The following RFTN1 variants were observed in gnomAD, a reference collection of about 807,000 sequenced individuals.
RFTN1 encodes the protein raftlin.
Under a neutral mutation model 46.5 loss-of-function variants are expected in RFTN1, and 26 were observed. That is an observed-to-expected ratio of 0.56 (90% CI 0.41 to 0.78). The LOEUF is 0.78. Among genes scored for constraint, RFTN1 ranks in the 30% least tolerant of loss-of-function variants. The probability of loss-of-function intolerance (pLI) is 0.00; values close to 1 mark genes in which losing one functional copy is unlikely to be tolerated. For synonymous variants in RFTN1, 261 were observed against 284.2 expected, an observed-to-expected ratio of 0.92 and a Z score of 0.82; for missense variants, 693 against 718.7, an observed-to-expected ratio of 0.96 and a Z score of 0.41.
chr3:16,372,980 T>C (rs1233807639), intron 5 of RFTN1, among the ~76,000 whole-genome samples: 5 of 152,240 alleles, frequency 3.3e-5, no homozygotes, highest in African/African-American at 9.6e-5. Flanking sequence ...GTCCTTTCTC[T>C]ACCCACATGG....
chr3:16,476,577 A>T (rs2076284133), intron 2 of RFTN1, among the ~76,000 whole-genome samples: 1 of 152,186 alleles, frequency 6.6e-6, no homozygotes, highest in Admixed American at 6.5e-5. Flanking sequence ...GCTAGCATTT[A>T]GGCAGAGACT....
At chr3:16,493,343 T>C (rs1413453617) in intron 2 of RFTN1, among the ~76,000 whole-genome samples, 2 of 152,002 alleles carry the variant, frequency 1.3e-5, no homozygotes, top group East Asian at 3.9e-4. Flanking sequence ...GCAATTCTCC[T>C]GCCTCAGCCT....
chr3:16,385,778 C>T lies in RFTN1; in HGVS notation c.442-7676G>A, dbSNP rs2074151334. Among the ~76,000 whole-genome samples, 1 of 152,124 alleles carries T rather than the reference C, an allele frequency of 6.6e-6. No homozygotes were observed. Among genetic ancestry groups the T allele is most frequent in the Admixed American group, 6.5e-5 (1 of 15,274 alleles). On this transcript the variant is annotated intron_variant, in intron 4 of 9. Transcript: ENST00000334133. The surrounding 1 kb of genome is among the most constrained non-coding windows in gnomAD (Gnocchi z 5.0). The stretch of plus-strand genomic sequence containing the variant: ...CACCTCTGGCAGATTTTCCTTGGCC[C>T]AGAACATCCCAATCTTCCTCAGTGT...
Position 16,480,624 on chromosome 3 carries a change from G to A in RFTN1, c.145+13101C>T, listed in dbSNP as rs1375322223. Reference sequence around the variant, plus strand: ...ACCTTTTCACACCAGATTTGCTTTTGAAAATATTTCGTAGATAAAATTCAA... The same window carrying A: ...ACCTTTTCACACCAGATTTGCTTTTAAAAATATTTCGTAGATAAAATTCAA... On this transcript the variant is annotated intron_variant, in intron 2 of 9. Transcript: ENST00000334133. The surrounding 1 kb of genome is among the most constrained non-coding windows in gnomAD (Gnocchi z 4.3). 6.6e-6 allele frequency among the ~76,000 whole-genome samples: 1 copy of A among 152,138 alleles called. No individual in the cohort carries two copies. The highest frequency in any genetic ancestry group is 2.4e-5 in the African/African-American group (1 of 41,438).
Position 16,443,347 on chromosome 3 carries a change from A to G in RFTN1, c.146-9310T>C, listed in dbSNP as rs908218705. Among the ~76,000 whole-genome samples the G allele has an allele frequency of 6.6e-6, 1 of 152,074 alleles. No homozygotes were observed. Among genetic ancestry groups the G allele is most frequent in the Admixed American group, 6.6e-5 (1 of 15,262 alleles). On this transcript the variant is annotated intron_variant, in intron 2 of 9. Coordinates refer to ENST00000334133, the MANE Select transcript of RFTN1 (RefSeq NM_015150.2). The surrounding 1 kb of genome is among the most constrained non-coding windows in gnomAD (Gnocchi z 5.5). ...TAGTGATGTTAATAAGCATTCTTTC[A>G]TATATGTGTGGGCCACTTTTATATC...
At position 16,425,424 on chromosome 3, in the gene RFTN1, G is replaced by T. The variant is rs866429223; in HGVS notation, c.332+8427C>A. Among the ~76,000 whole-genome samples the T allele has an allele frequency of 1.3e-5, 2 of 152,172 alleles. No individual in the cohort carries two copies. The highest frequency in any genetic ancestry group is 2.9e-5 in the Non-Finnish European group (2 of 68,040). Reference sequence around the variant, plus strand: ...TCTGTCATTTCAAAATAGTTCTGGGGAGAGGGTGGAAATCACTAGTGTGCT... The same window carrying T: ...TCTGTCATTTCAAAATAGTTCTGGGTAGAGGGTGGAAATCACTAGTGTGCT... On this transcript the variant is annotated intron_variant, in intron 3 of 9. Coordinates refer to ENST00000334133, the MANE Select transcript of RFTN1 (RefSeq NM_015150.2). This position sits in a 1 kb window ranked among gnomAD's most constrained non-coding sequence, Gnocchi z 4.3.
intron 2 of RFTN1, chr3:16,482,819 C>G (rs2076389146): frequency 6.5e-7 from 1 of 1,535,950 alleles, no homozygotes; most frequent in Non-Finnish European, 8.7e-7. Flanking sequence ...AGGGAGGGCG[C>G]AGGGGCAGAA....
intron 3 of RFTN1, among the ~76,000 whole-genome samples, chr3:16,419,891 T>C (rs1162656225): frequency 1.3e-5 from 2 of 152,146 alleles, no homozygotes; most frequent in Non-Finnish European, 2.9e-5. Flanking sequence ...TGAAAAAAGT[T>C]TGGTATCTCT....
rs1217344423 is a variant in RFTN1, at chr3:16,352,864, CAGAG to C, written c.1146+5064_1146+5067del. 1.3e-5 allele frequency among the ~76,000 whole-genome samples: 2 copies of C among 152,228 alleles called. No individual in the cohort carries two copies. The highest frequency in any genetic ancestry group is 4.8e-5 in the African/African-American group (2 of 41,460). The stretch of plus-strand genomic sequence containing the variant: ...CATAGTCTGTCACTCAGCTTGGAAT[CAGAG>C]AGGCAGGATGCACACTCAGGCCAGA... On this transcript the variant is annotated intron_variant, in intron 7 of 9. Coordinates refer to ENST00000334133, the MANE Select transcript of RFTN1 (RefSeq NM_015150.2). The surrounding 1 kb of genome is among the most constrained non-coding windows in gnomAD (Gnocchi z 4.6).
rs1312844821 is a variant in RFTN1 at position 16,338,793 on chromosome 3, A to G, written c.1147-11917T>C. 6.6e-6 allele frequency among the ~76,000 whole-genome samples: 1 copy of G among 152,194 alleles called. No individual in the cohort carries two copies. The highest frequency in any genetic ancestry group is 1.5e-5 in the Non-Finnish European group (1 of 68,044). On this transcript the variant is annotated intron_variant, in intron 7 of 9. Coordinates refer to ENST00000334133, the MANE Select transcript of RFTN1 (RefSeq NM_015150.2). This position sits in a 1 kb window ranked among gnomAD's most constrained non-coding sequence, Gnocchi z 5.3. ...ACCTAGAAAAGAGAAAAGGGATTGAAAAAAGGAGCTTTTCCAAAGTGTATA... is the reference window on the plus strand; with the variant it reads ...ACCTAGAAAAGAGAAAAGGGATTGAGAAAAGGAGCTTTTCCAAAGTGTATA...
chr3:16,347,710 AGAG>A (rs1054065403), intron 7 of RFTN1: 2 of 152,248 alleles, frequency 1.3e-5, no homozygotes, highest in Non-Finnish European at 2.9e-5. Flanking sequence ...GTCAGAGGAG[AGAG>A]GAGGATTCAG....
chr3:16,369,843 C>CT (rs1197148545), intron 6 of RFTN1, among the ~76,000 whole-genome samples: 37 of 152,208 alleles, frequency 2.4e-4, no homozygotes, highest in African/African-American at 8.7e-4. Context: ...AATCACTCCA[C>CT]TTTCTCTGTC....
At chr3:16,323,517 C>A in intron 8 of RFTN1, 60 bp from the exon 9 acceptor site, 1 of 1,222,726 alleles carries the variant, frequency 8.2e-7, no homozygotes, top group Non-Finnish European at 1.2e-6. Flanking sequence ...CAAAACCTGA[C>A]ACAGATGTTG....
At position 16,348,310 on chromosome 3, in the gene RFTN1, T is replaced by C. The variant is rs1575086808; in HGVS notation, c.1146+9622A>G. On this transcript the variant is annotated intron_variant, in intron 7 of 9. Coordinates refer to ENST00000334133, the MANE Select transcript of RFTN1 (RefSeq NM_015150.2). This position sits in a 1 kb window ranked among gnomAD's most constrained non-coding sequence, Gnocchi z 6.3. ...TCTAGGAGATCACCCACATTATCTA[T>C]TATTGAAGGCATCTAGGAGATCATC... Among the ~76,000 whole-genome samples, 2 of 152,032 alleles carry C rather than the reference T, an allele frequency of 1.3e-5. No homozygotes were observed. The highest frequency in any genetic ancestry group is 3.8e-4 in the East Asian group (2 of 5,198).
At chr3:16,495,929 G>A (rs1307146796) in intron 1 of RFTN1, among the ~76,000 whole-genome samples, 1 of 152,216 alleles carries the variant, frequency 6.6e-6, no homozygotes, top group Non-Finnish European at 1.5e-5. Flanking sequence ...AAGCAAAATT[G>A]ATTATGATTA....
chr3:16,512,429 A>ATTTTTT lies in RFTN1; in HGVS notation c.-9+1012_-9+1013insAAAAAA, dbSNP rs1553606350. 7.5e-5 allele frequency among the ~76,000 whole-genome samples: 4 copies of ATTTTTT among 53,592 alleles called. No individual in the cohort carries two copies. The highest frequency in any genetic ancestry group is 6.0e-4 in the South Asian group (1 of 1,680). 35.2% of individuals were successfully genotyped at this position (53,592 alleles called of 152,430 possible). On this transcript the variant is annotated intron_variant, in intron 1 of 9. Transcript: ENST00000334133. This position sits in a 1 kb window ranked among gnomAD's most constrained non-coding sequence, Gnocchi z 4.3. ...GATTGAGCCAGACTTTTTTTTTAAAAAAGTACTTCTTGTTTGTTTGTTTTA... is the reference window on the plus strand; with the variant it reads ...GATTGAGCCAGACTTTTTTTTTAAAATTTTTTAAGTACTTCTTGTTTGTTTGTTTTA...
rs1280916821 is a variant in RFTN1 at position 16,483,404 on chromosome 3, C to T, written c.145+10321G>A. Among the ~76,000 whole-genome samples, 1 of 152,168 alleles carries T rather than the reference C, an allele frequency of 6.6e-6. No homozygotes were observed. The highest frequency in any genetic ancestry group is 1.5e-5 in the Non-Finnish European group (1 of 68,032). ...CCAGCAGCCAGGTATCCATCTTAGC[C>T]AGCTCCCTGAGACATCACAGACTTA... On this transcript the variant is annotated intron_variant, in intron 2 of 9. Transcript: ENST00000334133. The surrounding 1 kb of genome is among the most constrained non-coding windows in gnomAD (Gnocchi z 4.8).
rs2076833885 is a variant in RFTN1, at chr3:16,507,786, TACACACAAAC to T, written c.-9+5646_-9+5655del. Among the ~76,000 whole-genome samples the T allele has an allele frequency of 1.4e-5, 2 of 147,084 alleles. No homozygotes were observed. The highest frequency in any genetic ancestry group is 2.5e-5 in the African/African-American group (1 of 39,414). ...ACACAAACACACACATACACTCACATACACACAAACACACACAAACGCACATACATACATA... is the reference window on the plus strand; with the variant it reads ...ACACAAACACACACATACACTCACATACACACAAACGCACATACATACATA... On this transcript the variant is annotated intron_variant, in intron 1 of 9. Coordinates refer to ENST00000334133, the MANE Select transcript of RFTN1 (RefSeq NM_015150.2). This position sits in a 1 kb window ranked among gnomAD's most constrained non-coding sequence, Gnocchi z 7.1.
At chr3:16,373,692 G>T (rs1267577287) in intron 5 of RFTN1, among the ~76,000 whole-genome samples, 4 of 152,174 alleles carry the variant, frequency 2.6e-5, no homozygotes, top group African/African-American at 9.7e-5. Flanking sequence ...GGGCTCCAAG[G>T]GCTAGATGTG....
Sources: gnomAD v4.1 joint callset for allele counts (sites outside exome capture counted in the v4.1 genomes callset) on GRCh38, gnomAD v4.1.1 for gene constraint, Gnocchi (gnomAD v3.1) non-coding constraint, MANE v1.5 for transcripts, NCBI Gene and HGNC (gene_info 2026-07-23, HGNC 2026-07-21) for gene names.